The following USP40 variants were observed in gnomAD, a reference collection of about 807,000 sequenced individuals.
USP40 encodes the protein ubiquitin specific peptidase 40.
USP40 carries 143 observed loss-of-function variants against 166.2 expected under a neutral mutation model. The ratio of observed to expected loss-of-function variants is 0.86; its 90% confidence interval spans 0.75 to 0.99. The LOEUF (loss-of-function observed/expected upper bound fraction) is 0.99, where lower values mean the gene tolerates loss of function less well. Ranked by LOEUF, USP40 falls within the 50% of genes least tolerant of loss-of-function variation. The pLI, the probability that USP40 is intolerant of heterozygous loss-of-function variation, is 0.00. For missense variants in USP40, 1,444 were observed against 1,479.7 expected (o/e 0.98, Z 0.40); for synonymous variants, 498 against 524.0 (o/e 0.95, Z 0.68).
At chr2:233,521,221 A>G (rs2067628837) in intron 16 of USP40, 107 bp from the exon 17 acceptor site, 1 of 1,295,508 alleles carries the variant, frequency 7.7e-7, no homozygotes, top group Non-Finnish European at 1.0e-6. Flanking sequence ...ACCAAGTTCT[A>G]CTGAGTCGTC....
intron 3 of USP40, among the ~76,000 whole-genome samples, chr2:233,560,451 A>G (rs753025327): frequency 1.8e-4 from 27 of 152,192 alleles, no homozygotes; most frequent in Non-Finnish European, 3.7e-4. Context: ...TTAAGTATTT[A>G]AAGGAGAATA....
Position 233,529,486 on chromosome 2 carries a change from G to T in USP40, c.1498C>A (p.Pro500Thr). Residue 500 changes from proline (P) to threonine (T), a missense_variant, in exon 12 of 32, where the codon CCA becomes ACA. By Grantham distance (38) the Pro-to-Thr change is conservative. Transcript: ENST00000678225. ...EARANPRYGV[P>T]CHLLNEMDAA... Reference sequence around the variant, plus strand: ...TCCATTTCATTCAGTAAATGACATGGAACCCCATATCTTGGATTAGCTCGA... The same window carrying T: ...TCCATTTCATTCAGTAAATGACATGTAACCCCATATCTTGGATTAGCTCGA... 1 of 1,585,394 alleles carries T rather than the reference G, an allele frequency of 6.3e-7. No homozygotes were observed. Among genetic ancestry groups the T allele is most frequent in the Non-Finnish European group, 8.6e-7 (1 of 1,164,156 alleles).
At chr2:233,522,213 G>A (rs1468666400) in intron 16 of USP40, among the ~76,000 whole-genome samples, 4 of 152,138 alleles carry the variant, frequency 2.6e-5, no homozygotes, top group African/African-American at 9.7e-5. Context: ...ATCATTATTA[G>A]GTTTAAAAAG....
At chr2:233,542,810 C>T (rs1466668508) in intron 8 of USP40, among the ~76,000 whole-genome samples, 1 of 152,206 alleles carries the variant, frequency 6.6e-6, no homozygotes, top group East Asian at 1.9e-4. Context: ...TTTACTTCAT[C>T]TCTCTGGCTT....
chr2:233,531,913 G>A (rs748054826), intron 11 of USP40, among the ~76,000 whole-genome samples: 4 of 152,142 alleles, frequency 2.6e-5, no homozygotes, highest in Non-Finnish European at 5.9e-5. Flanking sequence ...GGAGAATAGG[G>A]TCTGGAGACA....
chr2:233,564,360 T>G (rs1275889694), intron 2 of USP40, among the ~76,000 whole-genome samples: 2 of 152,112 alleles, frequency 1.3e-5, no homozygotes, highest in Non-Finnish European at 2.9e-5. Context: ...CATGTAGTGC[T>G]GGGGACCCCA....
At chr2:233,532,321 CTTTCT>C (rs1332492243) in intron 11 of USP40, among the ~76,000 whole-genome samples, 1 of 152,142 alleles carries the variant, frequency 6.6e-6, no homozygotes, top group Non-Finnish European at 1.5e-5. Context: ...TGATTGGTTG[CTTTCT>C]GCAACCAATC....
chr2:233,529,158 T>C (rs771892359), intron 12 of USP40, among the ~76,000 whole-genome samples: 1 of 152,222 alleles, frequency 6.6e-6, no homozygotes, highest in Non-Finnish European at 1.5e-5. Context: ...AGCCCAACTA[T>C]GTGCTCACTG....
intron 4 of USP40, among the ~76,000 whole-genome samples, chr2:233,557,608 A>C (rs1263920779): frequency 2.0e-5 from 3 of 152,152 alleles, no homozygotes; most frequent in Admixed American, 6.5e-5. Flanking sequence ...AAGACTGAGA[A>C]GTGGAGAAGA....
intron 30 of USP40, chr2:233,481,519 C>T (rs141382974): frequency 5.4e-6 from 3 of 550,638 alleles, no homozygotes; most frequent in African/African-American, 1.9e-5. Flanking sequence ...AGCCATCTGA[C>T]CTTTCCCTTC....
chr2:233,493,501 TCCTGAGGGAC>T lies in USP40; in HGVS notation c.2831_2840del (p.Gly944AspfsTer44), dbSNP rs1559222656. On this transcript the variant is annotated frameshift_variant, in exon 25 of 32. Coordinates refer to ENST00000678225, the MANE Select transcript of USP40 (RefSeq NM_001365479.2). LOFTEE classifies it high-confidence loss of function. The surrounding 1 kb of genome is among the most constrained non-coding windows in gnomAD (Gnocchi z 4.7). ...TCTGGTCCTGATGACTCTCCCAGTG[TCCTGAGGGAC>T]CCTGAAGCTGGTACCACCAGATGGG... 6.2e-7 allele frequency: 1 copy of T among 1,613,730 alleles called. No homozygotes were observed. The highest frequency in any genetic ancestry group is 8.5e-7 in the Non-Finnish European group (1 of 1,179,804).
Position 233,562,710 on chromosome 2 carries a change from TATAATA to T in USP40, c.267+20_267+25del, listed in dbSNP as rs756008896. 2 of 1,438,344 alleles carry T rather than the reference TATAATA, an allele frequency of 1.4e-6. No homozygotes were observed. The highest frequency in any genetic ancestry group is 2.3e-5 in the Admixed American group (1 of 43,658). The allele number at this position is 1,438,344 out of a possible 1,614,324, so 89.1% of individuals were successfully genotyped here. A position where few individuals can be genotyped will look rare whatever the true frequency, so the allele number is the denominator to read the frequency against. On this transcript the variant is annotated intron_variant, in intron 3 of 31. Coordinates refer to ENST00000678225, the MANE Select transcript of USP40 (RefSeq NM_001365479.2). ...TGCACATGTACCCTAAAACTTAAAGTATAATAATAATAATAATAAAAATACCTTTGC... is the reference window on the plus strand; with the variant it reads ...TGCACATGTACCCTAAAACTTAAAGTATAATAATAATAAAAATACCTTTGC...
intron 12 of USP40, among the ~76,000 whole-genome samples, chr2:233,528,405 C>T (rs558427678): frequency 5.9e-5 from 9 of 152,166 alleles, no homozygotes; most frequent in Non-Finnish European, 1.0e-4. Context: ...GAAGCCAGTG[C>T]GAAACACAGG....
chr2:233,477,223 T>C lies in USP40; in HGVS notation c.*169A>G. ...CCGTGGCTGCCACGTGTTGCAGAGC[T>C]AAGTGACTACATGCACTGGCCAGGC... On this transcript the variant is annotated 3_prime_UTR_variant, in exon 32 of 32. Coordinates refer to ENST00000678225, the MANE Select transcript of USP40 (RefSeq NM_001365479.2). 1.5e-6 allele frequency: 1 copy of C among 674,722 alleles called. No homozygotes were observed. Among genetic ancestry groups the C allele is most frequent in the South Asian group, 1.6e-5 (1 of 60,838 alleles). The allele number at this position is 674,722 out of a possible 1,614,324, so 41.8% of individuals were successfully genotyped here.
intron 10 of USP40, among the ~76,000 whole-genome samples, chr2:233,537,628 C>T (rs759243262): frequency 3.3e-5 from 5 of 152,072 alleles, no homozygotes; most frequent in Non-Finnish European, 5.9e-5. Flanking sequence ...GCTTCTCATC[C>T]AACATACTGG....
Position 233,525,471 on chromosome 2 carries a change from A to G in USP40, c.1810+7T>C. 1 of 1,610,456 alleles carries G rather than the reference A, an allele frequency of 6.2e-7. No homozygotes were observed. The highest frequency in any genetic ancestry group is 8.5e-7 in the Non-Finnish European group (1 of 1,177,176). The stretch of plus-strand genomic sequence containing the variant: ...AGTGAGTTGCTATGTTTTCATATTT[A>G]TCTTACCGCCAAGTGACTGGTAAAT... On this transcript the variant is annotated splice_region_variant and intron_variant, in intron 14 of 31. Coordinates refer to ENST00000678225, the MANE Select transcript of USP40 (RefSeq NM_001365479.2).
Position 233,525,581 on chromosome 2 carries a change from G to A in USP40, c.1726-19C>T. ...CTAACAGCTGAAGAATATTAATGAA[G>A]GAAAAGAGAATGTTGAAAAGTGACA... On this transcript the variant is annotated intron_variant, in intron 13 of 31. Transcript: ENST00000678225. 6.3e-7 allele frequency: 1 copy of A among 1,589,152 alleles called. No individual in the cohort carries two copies. Among genetic ancestry groups the A allele is most frequent in the South Asian group, 1.1e-5 (1 of 89,720 alleles).
At chr2:233,488,677 G>A (rs1453939330) in intron 27 of USP40, among the ~76,000 whole-genome samples, 1 of 152,202 alleles carries the variant, frequency 6.6e-6, no homozygotes, top group African/African-American at 2.4e-5. Flanking sequence ...ACTTTGGGAG[G>A]CCAAGGTGGA....
rs932415165 is a variant in USP40 at position 233,489,865 on chromosome 2, C to T, written c.3013-382G>A. 3.0e-5 allele frequency: 5 copies of T among 167,494 alleles called. No individual in the cohort carries two copies. The South Asian group carries it at 7.5e-4, about 25-fold the overall frequency. The allele number at this position is 167,494 out of a possible 1,614,324, so 10.4% of individuals were successfully genotyped here. ...AAGGGACACAACAGCAGCCTTCTTCCGTGCCCGCGCAATCCTCCACCAGTG... is the reference window on the plus strand; with the variant it reads ...AAGGGACACAACAGCAGCCTTCTTCTGTGCCCGCGCAATCCTCCACCAGTG... On this transcript the variant is annotated intron_variant, in intron 26 of 31. Coordinates refer to ENST00000678225, the MANE Select transcript of USP40 (RefSeq NM_001365479.2).
Sources: gnomAD v4.1 joint callset for allele counts (sites outside exome capture counted in the v4.1 genomes callset) on GRCh38, gnomAD v4.1.1 for gene constraint, Gnocchi (gnomAD v3.1) non-coding constraint, MANE v1.5 for transcripts, NCBI Gene and HGNC (gene_info 2026-07-23, HGNC 2026-07-21) for gene names.